The following SIMC1 variants were observed in gnomAD, a reference collection of about 807,000 sequenced individuals.
The protein encoded by SIMC1 is SUMO interacting motifs containing 1, also known as SUMO-interacting motif-containing protein 1.
In SIMC1, 55 loss-of-function variants were observed where a neutral mutation model predicts 82.3. The observed-to-expected ratio is 0.67, with a 90% CI of 0.54 to 0.84. The LOEUF (loss-of-function observed/expected upper bound fraction) is 0.84. SIMC1 is among the 40% of genes least tolerant of loss of function. The pLI is 0.00. For synonymous variants in SIMC1, 353 were observed against 426.3 expected, an observed-to-expected ratio of 0.83 and a Z score of 2.12; for missense variants, 915 against 1,107.2, an observed-to-expected ratio of 0.83 and a Z score of 2.46.
At position 176,336,806 on chromosome 5, in the gene SIMC1, C is replaced by G. The variant is rs1245180746; in HGVS notation, c.2258C>G (p.Thr753Ser). 1.2e-5 allele frequency: 20 copies of G among 1,614,030 alleles called. No individual in the cohort carries two copies. Among genetic ancestry groups the G allele is most frequent in the Non-Finnish European group, 1.7e-5 (20 of 1,179,906 alleles). The change falls in exon 8 of 10, where the codon ACC (threonine) becomes AGC (serine). Residue 753 changes from threonine (T) to serine (S), a missense_variant. Transcript: ENST00000429602. ...IIFLHSCETP[T>S]RLPLSLAQAL... Reference sequence around the variant, plus strand: ...TTCCTCCACAGCTGTGAGACACCCACCCGCCTGCCTCTGTCTCTGGCCCAG... The same window carrying G: ...TTCCTCCACAGCTGTGAGACACCCAGCCGCCTGCCTCTGTCTCTGGCCCAG...
At chr5:176,345,090 T>G (rs1174445808) in intron 9 of SIMC1, 93 bp from the exon 10 acceptor site, 2 of 1,499,152 alleles carry the variant, frequency 1.3e-6, no homozygotes, top group East Asian at 4.6e-5. Context: ...AGTCAGCAAG[T>G]CTTTGCCAAG....
At chr5:176,281,876 G>T (rs969038199) in intron 1 of SIMC1, among the ~76,000 whole-genome samples, 2 of 152,242 alleles carry the variant, frequency 1.3e-5, no homozygotes, top group African/African-American at 4.8e-5. Flanking sequence ...TCAGGGGTCA[G>T]GGGTCAGGGA....
intron 4 of SIMC1, among the ~76,000 whole-genome samples, chr5:176,311,076 T>C (rs1359552019): frequency 1.3e-5 from 2 of 152,058 alleles, no homozygotes; most frequent in Non-Finnish European, 2.9e-5. Flanking sequence ...GCCTAATGAT[T>C]GGAAAGGGAA....
At chr5:176,328,817 A>T (rs924240885) in intron 7 of SIMC1, among the ~76,000 whole-genome samples, 4 of 152,176 alleles carry the variant, frequency 2.6e-5, no homozygotes, top group Non-Finnish European at 5.9e-5. Context: ...GCACAGGCGT[A>T]TGAGGCTGGC....
rs758563327 is a variant in SIMC1 at position 176,345,431 on chromosome 5, T to A, written c.2662T>A (p.Trp888Arg). 6.2e-7 allele frequency: 1 copy of A among 1,613,176 alleles called. No individual in the cohort carries two copies. Among genetic ancestry groups the A allele is most frequent in the Non-Finnish European group, 8.5e-7 (1 of 1,179,464 alleles). Reference sequence around the variant, plus strand: ...TGATGCAGAGCCCTTTCAAAAGGGCTGGAGCGGCTCCTGAGGGCCTGCCAA... The same window carrying A: ...TGATGCAGAGCCCTTTCAAAAGGGCAGGAGCGGCTCCTGAGGGCCTGCCAA... ...NPDAEPFQKG[W>R]SGS Residue 888 changes from tryptophan (W) to arginine (R), a missense_variant, in exon 10 of 10, where the codon TGG (tryptophan) becomes AGG (arginine). Transcript: ENST00000429602.
chr5:176,311,254 G>A (rs919147333), intron 4 of SIMC1, among the ~76,000 whole-genome samples: 9 of 151,988 alleles, frequency 5.9e-5, no homozygotes, highest in Admixed American at 2.6e-4. Context: ...ATTTATTTTT[G>A]AGACAGGGTC....
intron 3 of SIMC1, among the ~76,000 whole-genome samples, chr5:176,295,502 T>C (rs1345012381): frequency 6.6e-6 from 1 of 152,254 alleles, no homozygotes; most frequent in Non-Finnish European, 1.5e-5. Context: ...TGATTCAGTA[T>C]ACAAAAATGG....
Position 176,290,664 on chromosome 5 carries a change from C to T in SIMC1, c.1140C>T (p.Asn380=), listed in dbSNP as rs1763516863. Residue 380 remains asparagine, a synonymous_variant, in exon 2 of 10, where the codon AAC becomes AAT. Transcript: ENST00000429602. ...ACTTTACCCAGAATGATGTACAGAA[C>T]CGTGACATGCCTATGGATATCTCAG... ...RPDFTQNDVQ[N]RDMPMDISAL... 6.2e-7 allele frequency: 1 copy of T among 1,614,024 alleles called. No homozygotes were observed. Among genetic ancestry groups the T allele is most frequent in the South Asian group, 1.1e-5 (1 of 91,084 alleles).
At chr5:176,272,033 C>T (rs1399671657) in intron 1 of SIMC1, among the ~76,000 whole-genome samples, 2 of 144,228 alleles carry the variant, frequency 1.4e-5, no homozygotes, top group South Asian at 2.1e-4. Context: ...ATCTACTATG[C>T]AGTTATAAAA....
At chr5:176,248,960 C>T (rs566002525) in intron 1 of SIMC1, among the ~76,000 whole-genome samples, 4 of 152,096 alleles carry the variant, frequency 2.6e-5, no homozygotes, top group East Asian at 1.9e-4. Flanking sequence ...CCAATTTGAT[C>T]GTGGTGGATA....
At chr5:176,282,149 T>A (rs1200175300) in intron 1 of SIMC1, among the ~76,000 whole-genome samples, 1 of 152,348 alleles carries the variant, frequency 6.6e-6, no homozygotes, top group South Asian at 2.1e-4. Context: ...GCGCCCCTCC[T>A]GCAGCCTCGC....
intron 7 of SIMC1, among the ~76,000 whole-genome samples, chr5:176,328,079 T>G (rs574990923): frequency 6.6e-6 from 1 of 152,318 alleles, no homozygotes; most frequent in African/African-American, 2.4e-5. Flanking sequence ...CCATGTTTCC[T>G]TATGCATATT....
At chr5:176,245,328 C>G (rs1304415447) in intron 1 of SIMC1, among the ~76,000 whole-genome samples, 1 of 152,136 alleles carries the variant, frequency 6.6e-6, no homozygotes, top group Non-Finnish European at 1.5e-5. Context: ...ACACCGAGGA[C>G]TGCTGGCGAC....
intron 7 of SIMC1, among the ~76,000 whole-genome samples, chr5:176,327,835 G>A (rs1473480150): frequency 6.6e-6 from 1 of 152,134 alleles, no homozygotes; most frequent in African/African-American, 2.4e-5. Flanking sequence ...TCCATCTATT[G>A]AGATAATCAT....
At chr5:176,334,310 G>A (rs1220840169) in intron 7 of SIMC1, among the ~76,000 whole-genome samples, 1 of 152,134 alleles carries the variant, frequency 6.6e-6, no homozygotes, top group Non-Finnish European at 1.5e-5. Flanking sequence ...CAGTTAATTT[G>A]CTGGCAGATT....
intron 4 of SIMC1, 197 bp from the exon 5 acceptor site, chr5:176,313,494 T>G: frequency 6.4e-7 from 1 of 1,550,590 alleles, no homozygotes; most frequent in Non-Finnish European, 8.7e-7. Context: ...GGTATGATTT[T>G]TTTCAGCAGT....
chr5:176,309,281 C>G (rs994929041), intron 4 of SIMC1, among the ~76,000 whole-genome samples: 2 of 152,166 alleles, frequency 1.3e-5, no homozygotes, highest in African/African-American at 4.8e-5. Flanking sequence ...GAAGAATAGC[C>G]TTTCTGACAA....
intron 4 of SIMC1, among the ~76,000 whole-genome samples, chr5:176,312,584 TA>T (rs1764711836): frequency 6.7e-6 from 1 of 148,502 alleles, no homozygotes; most frequent in African/African-American, 2.5e-5. Flanking sequence ...CATGATTTTT[TA>T]AAAAAGCATT....
Position 176,265,826 on chromosome 5 carries a change from A to G in SIMC1, c.130-23828A>G, listed in dbSNP as rs934860706. Among the ~76,000 whole-genome samples the G allele has an allele frequency of 1.3e-4, 20 of 152,062 alleles. 1 individual carries two copies. Among genetic ancestry groups the G allele is most frequent in the Non-Finnish European group, 2.8e-4 (19 of 67,990 alleles). On this transcript the variant is annotated intron_variant, in intron 1 of 9. Transcript: ENST00000429602. ...ATGAAATGAGAATAAATTAACAAAT[A>G]TTATTAGATTAAATTTATTTATTAA...
Sources: gnomAD v4.1 joint callset for allele counts (sites outside exome capture counted in the v4.1 genomes callset) on GRCh38, gnomAD v4.1.1 for gene constraint, MANE v1.5 for transcripts, NCBI Gene and HGNC (gene_info 2026-07-23, HGNC 2026-07-21) for gene names.